The following ASTN1 variants were observed in gnomAD, a reference collection of about 807,000 sequenced individuals.
ASTN1 encodes the protein astrotactin-1.
ASTN1 carries 41 observed loss-of-function variants against 140.7 expected under a neutral mutation model. The ratio of observed to expected loss-of-function variants is 0.29; its 90% CI spans 0.23 to 0.38. The LOEUF is 0.38. ASTN1 is among the 10% of genes least tolerant of loss of function. The probability of loss-of-function intolerance (pLI) is 1.00; values close to 1 mark genes in which losing one functional copy is unlikely to be tolerated. For synonymous variants in ASTN1, 640 were observed against 652.2 expected (o/e 0.98, Z 0.29); for missense variants, 1,479 against 1,678.8 (o/e 0.88, Z 2.08).
At chr1:176,990,859 T>G (rs1255378970) in intron 8 of ASTN1, among the ~76,000 whole-genome samples, 1 of 152,214 alleles carries the variant, frequency 6.6e-6, no homozygotes, top group Non-Finnish European at 1.5e-5. Flanking sequence ...CTTCTTCTTA[T>G]CCCACTTCCT....
chr1:176,973,911 C>T (rs961759200), intron 8 of ASTN1, among the ~76,000 whole-genome samples: 1 of 152,208 alleles, frequency 6.6e-6, no homozygotes, highest in African/African-American at 2.4e-5. Flanking sequence ...TGCAAACTCC[C>T]CTTTGCTCCT....
At chr1:177,048,682 T>A (rs927817015) in intron 2 of ASTN1, among the ~76,000 whole-genome samples, 3 of 152,202 alleles carry the variant, frequency 2.0e-5, no homozygotes, top group Non-Finnish European at 4.4e-5. Context: ...GCTCTTCCCA[T>A]GGCTTGCTCC....
intron 1 of ASTN1, among the ~76,000 whole-genome samples, chr1:177,101,682 A>G (rs537650575): frequency 2.0e-5 from 3 of 152,304 alleles, no homozygotes; most frequent in East Asian, 1.9e-4. Context: ...TATGCTTTAC[A>G]TGAATGTATG....
chr1:177,123,840 T>C (rs990137175), intron 1 of ASTN1, among the ~76,000 whole-genome samples: 1 of 152,186 alleles, frequency 6.6e-6, no homozygotes. Flanking sequence ...GATCGATTTG[T>C]GAGCTAACCC....
chr1:177,120,622 G>C (rs1253497083), intron 1 of ASTN1, among the ~76,000 whole-genome samples: 2 of 152,104 alleles, frequency 1.3e-5, no homozygotes, highest in Non-Finnish European at 2.9e-5. Context: ...CCAGACACAA[G>C]GAGGGCCCTC....
Position 177,031,909 on chromosome 1 carries a change from G to A in ASTN1, c.865+547C>T, listed in dbSNP as rs140395676. Among the ~76,000 whole-genome samples the A allele has an allele frequency of 4.3e-3, 654 of 152,196 alleles. 6 individuals are homozygous for A. The highest frequency in any genetic ancestry group is 0.02 in the Middle Eastern group (6 of 294). Reference sequence around the variant, plus strand: ...CTCCATAGATACACAATGCATCTGGGGTCTGATACCATGATTGCAATCCTT... The same window carrying A: ...CTCCATAGATACACAATGCATCTGGAGTCTGATACCATGATTGCAATCCTT... On this transcript the variant is annotated intron_variant, in intron 3 of 22. Coordinates refer to ENST00000361833, the MANE Select transcript of ASTN1 (RefSeq NM_004319.3).
intron 16 of ASTN1, among the ~76,000 whole-genome samples, chr1:176,904,230 T>G (rs1669888933): frequency 6.6e-6 from 1 of 152,274 alleles, no homozygotes; most frequent in East Asian, 1.9e-4. Context: ...ATTGGCCATG[T>G]AGGGGCTTGC....
chr1:177,024,275 T>A (rs760691), intron 6 of ASTN1, among the ~76,000 whole-genome samples: 30,115 of 152,092 alleles, frequency 0.2, 4,078 homozygotes, highest in East Asian at 0.69. Context: ...GCTAAGGGAG[T>A]CTTGGTGCCT....
At chr1:176,989,272 A>T (rs1191135441) in intron 8 of ASTN1, among the ~76,000 whole-genome samples, 12 of 152,228 alleles carry the variant, frequency 7.9e-5, no homozygotes, top group Admixed American at 7.9e-4. Context: ...CTCCAGGTTT[A>T]GGCATTCAAT....
In ASTN1 at chr1:177,024,615, G is replaced by A; in HGVS notation, c.1238C>T (p.Thr413Ile). ...HVNCPLVVKI[T>I]LHVPEHLIAD... ...AATCAGGTGCTCAGGGACATGCAGGGTGATCTTGACAACGAGAGGGCAGTT... is the reference window on the plus strand; with the variant it reads ...AATCAGGTGCTCAGGGACATGCAGGATGATCTTGACAACGAGAGGGCAGTT... The change falls in exon 6 of 23, where the codon ACC (threonine) becomes ATC (isoleucine). Residue 413 changes from threonine (T) to isoleucine (I), a missense_variant. By Grantham distance (89) the Thr-to-Ile change is moderately conservative. Around this residue, in one of 3 missense-constraint regions of ASTN1, gnomAD observed 729 missense variants for 860.4 expected, o/e 0.85. Transcript: ENST00000361833. 2 of 1,614,080 alleles carry A rather than the reference G, an allele frequency of 1.2e-6. No individual in the cohort carries two copies. The highest frequency in any genetic ancestry group is 1.1e-5 in the South Asian group (1 of 91,058).
intron 16 of ASTN1, among the ~76,000 whole-genome samples, chr1:176,914,715 G>A (rs1385955177): frequency 1.3e-5 from 2 of 152,124 alleles, no homozygotes; most frequent in Non-Finnish European, 2.9e-5. Context: ...ATCGTAGACC[G>A]GAGGGAAAAA....
chr1:176,868,696 C>A, intron 22 of ASTN1, 148 bp downstream of exon 22: 2 of 781,162 alleles, frequency 2.6e-6, no homozygotes, highest in Non-Finnish European at 1.9e-6. Flanking sequence ...TCTGCATGGA[C>A]TGAACTGTCT....
intron 16 of ASTN1, among the ~76,000 whole-genome samples, chr1:176,933,460 T>C (rs1412742645): frequency 6.6e-6 from 1 of 152,224 alleles, no homozygotes; most frequent in Non-Finnish European, 1.5e-5. Context: ...TGAATGGCAA[T>C]TCTAAAGCAG....
intron 1 of ASTN1, among the ~76,000 whole-genome samples, chr1:177,124,580 G>A (rs1377760703): frequency 1.3e-5 from 2 of 152,160 alleles, no homozygotes; most frequent in Non-Finnish European, 2.9e-5. Context: ...TATGTCTGAT[G>A]TATATCGCCT....
At chr1:176,968,555 G>C (rs1413230710) in intron 8 of ASTN1, among the ~76,000 whole-genome samples, 1 of 152,240 alleles carries the variant, frequency 6.6e-6, no homozygotes, top group African/African-American at 2.4e-5. Context: ...AAAGAGCAGG[G>C]AAGTGCATAT....
At chr1:177,124,013 G>A (rs1681524005) in intron 1 of ASTN1, among the ~76,000 whole-genome samples, 1 of 152,188 alleles carries the variant, frequency 6.6e-6, no homozygotes, top group Non-Finnish European at 1.5e-5. Context: ...CTCTGATGGA[G>A]CCGTTTTTGA....
chr1:177,018,597 A>C (rs545793723), intron 7 of ASTN1, among the ~76,000 whole-genome samples: 5 of 152,332 alleles, frequency 3.3e-5, no homozygotes, highest in Non-Finnish European at 7.4e-5. Flanking sequence ...TGCTCCTTGC[A>C]GAACCATAAA....
At chr1:176,955,729 C>G (rs772355319) in intron 11 of ASTN1, among the ~76,000 whole-genome samples, 8 of 152,216 alleles carry the variant, frequency 5.3e-5, no homozygotes, top group Non-Finnish European at 8.8e-5. Flanking sequence ...GGATCACCAA[C>G]AGAAGGCATC....
intron 1 of ASTN1, among the ~76,000 whole-genome samples, chr1:177,076,295 A>AAAAG (rs1678908279): frequency 6.8e-6 from 1 of 146,292 alleles, no homozygotes. Context: ...AAAAAAAAAA[A>AAAAG]GAAAGAAAGA....
Sources: gnomAD v4.1 joint callset for allele counts (sites outside exome capture counted in the v4.1 genomes callset) on GRCh38, gnomAD v4.1.1 for gene constraint, gnomAD v4.1.1 regional missense constraint, MANE v1.5 for transcripts, NCBI Gene and HGNC (gene_info 2026-07-23, HGNC 2026-07-21) for gene names.